Variants in DEAF1 observed in about 807,000 individuals in gnomAD.
The protein encoded by DEAF1 is DEAF1 transcription factor.
In DEAF1, 53 loss-of-function variants were observed where a neutral mutation model predicts 58.9. That is an observed-to-expected ratio of 0.90 (90% CI 0.72 to 1.13). DEAF1 has a LOEUF of 1.13. DEAF1 is among the 50% of genes most tolerant of loss of function. The probability of loss-of-function intolerance (pLI) is 0.00; values close to 1 mark genes in which losing one functional copy is unlikely to be tolerated. For missense variants in DEAF1, 685 were observed against 791.4 expected (o/e 0.87, Z 1.61); for synonymous variants, 385 against 340.4 (o/e 1.13, Z -1.44).
chr11:660,609 G>T (rs10902189), intron 10 of DEAF1, among the ~76,000 whole-genome samples: 32,678 of 152,172 alleles, frequency 0.21, 5,280 homozygotes, highest in African/African-American at 0.46. Context: ...GGGATGGCGG[G>T]CTGCTCCCGA....
At chr11:704,760 T>C in intron 1 of DEAF1, 1 of 769,564 alleles carries the variant, frequency 1.3e-6, no homozygotes, top group South Asian at 1.6e-5. Flanking sequence ...GAGGCCAGCC[T>C]GGACTGTCTC....
chr11:663,129 A>T (rs6421974), intron 10 of DEAF1, among the ~76,000 whole-genome samples: 1 of 152,034 alleles, frequency 6.6e-6, no homozygotes, highest in Non-Finnish European at 1.5e-5. Flanking sequence ...CTCGGCAACA[A>T]AACAAGATGC....
chr11:694,558 T>C, intron 1 of DEAF1: 1 of 245,024 alleles, frequency 4.1e-6, no homozygotes, highest in Non-Finnish European at 6.3e-6. Flanking sequence ...GGGGCAGGTG[T>C]GCAGGGCGGG....
chr11:674,193 C>T lies in DEAF1; in HGVS notation c.1503+343G>A, dbSNP rs139170642. 2,344 of 353,214 alleles carry T rather than the reference C, an allele frequency of 6.6e-3. 9 individuals carry two copies. Among genetic ancestry groups the T allele is most frequent in the Middle Eastern group, 0.01 (10 of 988 alleles). 21.9% of individuals were successfully genotyped at this position (353,214 alleles called of 1,614,324 possible). A position where few individuals can be genotyped will look rare whatever the true frequency, so the allele number is the denominator to read the frequency against. On this transcript the variant is annotated intron_variant, in intron 10 of 11. Coordinates refer to ENST00000382409, the MANE Select transcript of DEAF1 (RefSeq NM_021008.4). ...TCAGAGACTCAATAGATGATGTTCT[C>T]CAAACTTCATAAAATATAAGCACAT...
intron 1 of DEAF1, chr11:703,137 C>T (rs774188274): frequency 7.5e-6 from 12 of 1,607,382 alleles, no homozygotes; most frequent in Non-Finnish European, 1.0e-5. Context: ...GCCATCGCGG[C>T]CTTCACCAGG....
At position 653,227 on chromosome 11, in the gene DEAF1, A is replaced by C. The variant is rs551584024; in HGVS notation, c.1593+735T>G. On this transcript the variant is annotated intron_variant, in intron 11 of 11. Transcript: ENST00000382409. ...ATTTCTGTGGAGCGGAGGGCTGAAT[A>C]ATAGAGGAACTGTGGACGCTGTCTC... 3.5e-3 allele frequency among the ~76,000 whole-genome samples: 515 copies of C among 147,506 alleles called. 3 individuals are homozygous for C. Among genetic ancestry groups the C allele is most frequent in the Non-Finnish European group, 5.3e-3 (354 of 66,892 alleles).
At chr11:698,982 T>A, upstream of DEAF1, 2 of 1,474,030 alleles carry the variant, frequency 1.4e-6, no homozygotes, top group South Asian at 1.1e-5. Context: ...TTTCCCTAAG[T>A]TCTGTCTAGT....
chr11:683,694 A>T (rs1258229348), intron 6 of DEAF1, among the ~76,000 whole-genome samples: 1 of 152,208 alleles, frequency 6.6e-6, no homozygotes, highest in Non-Finnish European at 1.5e-5. Flanking sequence ...TCATTGTGTT[A>T]AACCTACGAA....
At chr11:659,103 T>A (rs1859199229) in intron 10 of DEAF1, among the ~76,000 whole-genome samples, 1 of 151,956 alleles carries the variant, frequency 6.6e-6, no homozygotes. Context: ...CTTGAAAACC[T>A]AGATACTGGC....
At chr11:659,598 C>T in intron 10 of DEAF1, among the ~76,000 whole-genome samples, 1 of 152,178 alleles carries the variant, frequency 6.6e-6, no homozygotes, top group East Asian at 1.9e-4. Context: ...GGGCCACAGG[C>T]CCACTGTGCA....
chr11:701,172 A>T (rs919354351), intron 1 of DEAF1: 6 of 187,148 alleles, frequency 3.2e-5, no homozygotes, highest in African/African-American at 1.4e-4. Context: ...CAAGTCTGCA[A>T]CCCCTTCCAG....
At chr11:675,437 G>A (rs2133367376) in intron 9 of DEAF1, among the ~76,000 whole-genome samples, 1 of 152,290 alleles carries the variant, frequency 6.6e-6, no homozygotes, top group East Asian at 1.9e-4. Flanking sequence ...GCTGAGGCGG[G>A]AGGATGGTTT....
chr11:680,258 G>C (rs1860293521), intron 7 of DEAF1, among the ~76,000 whole-genome samples: 1 of 152,200 alleles, frequency 6.6e-6, no homozygotes, highest in South Asian at 2.1e-4. Context: ...CCTGGCGACA[G>C]ATCTTGAGAC....
At chr11:700,796 G>A in intron 1 of DEAF1, 2 of 1,240,444 alleles carry the variant, frequency 1.6e-6, no homozygotes, top group Middle Eastern at 1.9e-4. Flanking sequence ...TTTATAGTGT[G>A]GTTCTCAGAG....
chr11:678,827 T>C lies in DEAF1; in HGVS notation c.1127-5A>G. 6.2e-7 allele frequency: 1 copy of C among 1,613,512 alleles called. No individual in the cohort carries two copies. The highest frequency in any genetic ancestry group is 8.5e-7 in the Non-Finnish European group (1 of 1,179,662). ...GCTGCACGCTGGCCTCTTGGACTGT[T>C]GGGGAGAAAAAGGACAGGGAGGCTC... On this transcript the variant is annotated splice_region_variant and splice_polypyrimidine_tract_variant and intron_variant, in intron 8 of 11. Transcript: ENST00000382409.
At chr11:653,782 A>T (rs1415431227) in intron 11 of DEAF1, among the ~76,000 whole-genome samples, 180 bp downstream of exon 11, 2 of 152,144 alleles carry the variant, frequency 1.3e-5, no homozygotes, top group East Asian at 1.9e-4. Context: ...TGGCCATGTC[A>T]CATGTGAGCC....
intron 10 of DEAF1, among the ~76,000 whole-genome samples, chr11:658,379 A>G (rs953351800): frequency 6.6e-6 from 1 of 152,250 alleles, no homozygotes; most frequent in Non-Finnish European, 1.5e-5. Context: ...CAGTGAGCCG[A>G]GAACGCGCCA....
At chr11:703,150 GC>G in intron 1 of DEAF1, 1 of 1,602,046 alleles carries the variant, frequency 6.2e-7, no homozygotes, top group Non-Finnish European at 8.5e-7. Context: ...TCACCAGGTA[GC>G]TACGGACACC....
rs1564939939 is a variant in DEAF1 at position 674,544 on chromosome 11, G to A, written c.1495C>T (p.Arg499Trp). The change falls in exon 10 of 12, where the codon CGG becomes TGG. Residue 499 changes from arginine to tryptophan, a missense_variant. Coordinates refer to ENST00000382409, the MANE Select transcript of DEAF1 (RefSeq NM_021008.4). ...ATTTGTTCCAAGGTTACCTCCTTCCGCTCTGCGTCAGCGTGGATCTTGGCC... is the reference window on the plus strand; with the variant it reads ...ATTTGTTCCAAGGTTACCTCCTTCCACTCTGCGTCAGCGTGGATCTTGGCC... Reference protein sequence around the residue: ...NQAKIHADAERKEQSCVNCGR... With the variant: ...NQAKIHADAEWKEQSCVNCGR... 3.1e-6 allele frequency: 5 copies of A among 1,614,072 alleles called. No individual in the cohort carries two copies. Among genetic ancestry groups the A allele is most frequent in the Non-Finnish European group, 4.2e-6 (5 of 1,180,010 alleles).
Sources: gnomAD v4.1 joint callset for allele counts (sites outside exome capture counted in the v4.1 genomes callset) on GRCh38, gnomAD v4.1.1 for gene constraint, MANE v1.5 for transcripts, NCBI Gene and HGNC (gene_info 2026-07-23, HGNC 2026-07-21) for gene names.